KHDRBS2: variants seen among roughly 807,000 people sequenced by gnomAD.
KHDRBS2 encodes the protein KH RNA binding domain containing, signal transduction associated 2.
KHDRBS2 carries 26 observed loss-of-function variants against 44.3 expected under a neutral mutation model. The ratio of observed to expected loss-of-function variants is 0.59; its 90% CI spans 0.43 to 0.81. The LOEUF is 0.81. Among genes scored for constraint, KHDRBS2 ranks in the 40% least tolerant of loss-of-function variants. The pLI is 0.00. For synonymous variants in KHDRBS2, 194 were observed against 151.1 expected (o/e 1.28, Z -2.08); for missense variants, 476 against 433.1 (o/e 1.10, Z -0.88).
downstream of KHDRBS2, among the ~76,000 whole-genome samples, chr6:61,677,971 T>G (rs1766039422): frequency 6.6e-6 from 1 of 151,898 alleles, no homozygotes; most frequent in African/African-American, 2.4e-5. Flanking sequence ...GGCTCTCTCA[T>G]AGCTCTCCTA....
chr6:62,101,869 T>G (rs1288960091), intron 2 of KHDRBS2, among the ~76,000 whole-genome samples: 3 of 152,220 alleles, frequency 2.0e-5, no homozygotes, highest in Non-Finnish European at 2.9e-5. Flanking sequence ...TGTACACATC[T>G]TCAAAAATTC....
At chr6:62,019,160 TTTAG>T (rs1343491863) in intron 3 of KHDRBS2, among the ~76,000 whole-genome samples, 1 of 151,948 alleles carries the variant, frequency 6.6e-6, no homozygotes, top group Non-Finnish European at 1.5e-5. Context: ...GCACTAGAAT[TTTAG>T]TTAGGTTTAT....
chr6:62,066,983 G>A (rs1269096619), intron 2 of KHDRBS2, among the ~76,000 whole-genome samples: 1 of 151,448 alleles, frequency 6.6e-6, no homozygotes, highest in Non-Finnish European at 1.5e-5. Flanking sequence ...TATTAATTCA[G>A]CAGTGGGAGT....
At chr6:61,752,671 C>CAAAAAAAAAAAAAAAAAAAAAAAA (rs56410130) in intron 6 of KHDRBS2, among the ~76,000 whole-genome samples, 2 of 111,336 alleles carry the variant, frequency 1.8e-5, no homozygotes, top group Non-Finnish European at 1.8e-5. Context: ...TTGTGGTATA[C>CAAAAAAAAAAAAAAAAAAAAAAAA]AAAAAAAAAA....
At chr6:62,218,393 G>A (rs191306819) in intron 1 of KHDRBS2, among the ~76,000 whole-genome samples, 2 of 151,814 alleles carry the variant, frequency 1.3e-5, no homozygotes, top group Non-Finnish European at 2.9e-5. Flanking sequence ...ACAATCTGCA[G>A]CACACAATGG....
chr6:61,986,067 T>C (rs1424853311), intron 3 of KHDRBS2, among the ~76,000 whole-genome samples: 1 of 152,214 alleles, frequency 6.6e-6, no homozygotes, highest in Non-Finnish European at 1.5e-5. Context: ...TTTGAATTAA[T>C]AGCTCTGATA....
the KHDRBS2 span, among the ~76,000 whole-genome samples, chr6:61,605,511 T>C: frequency 2.0e-5 from 3 of 152,206 alleles, no homozygotes; most frequent in Non-Finnish European, 2.9e-5. Flanking sequence ...TCTTAGTCCT[T>C]TAATACATAT....
At chr6:62,119,823 G>T (rs1807165873) in intron 2 of KHDRBS2, among the ~76,000 whole-genome samples, 1 of 152,120 alleles carries the variant, frequency 6.6e-6, no homozygotes, top group Admixed American at 6.6e-5. Flanking sequence ...TGAGGCAGTT[G>T]CCAGGCAAGA....
At chr6:62,055,312 G>A (rs961174404) in intron 2 of KHDRBS2, among the ~76,000 whole-genome samples, 1 of 151,830 alleles carries the variant, frequency 6.6e-6, no homozygotes, top group African/African-American at 2.4e-5. Context: ...GAATGGGAAT[G>A]GAAAAATCTT....
intron 6 of KHDRBS2, among the ~76,000 whole-genome samples, chr6:61,803,917 G>C (rs1786702754): frequency 6.6e-6 from 1 of 152,008 alleles, no homozygotes; most frequent in African/African-American, 2.4e-5. Context: ...CCAACATATG[G>C]AGATTACAAT....
At chr6:61,888,379 T>C (rs1801285098) in intron 6 of KHDRBS2, among the ~76,000 whole-genome samples, 1 of 152,168 alleles carries the variant, frequency 6.6e-6, no homozygotes, top group African/African-American at 2.4e-5. Flanking sequence ...TAGTATCTGT[T>C]GGTGACTAGA....
At chr6:61,606,529 T>C in the KHDRBS2 span, among the ~76,000 whole-genome samples, 1 of 152,162 alleles carries the variant, frequency 6.6e-6, no homozygotes, top group Non-Finnish European at 1.5e-5. Flanking sequence ...ATACAAAATA[T>C]GAAAATTCCA....
At chr6:62,237,730 G>A (rs1833921775) in intron 1 of KHDRBS2, among the ~76,000 whole-genome samples, 1 of 152,088 alleles carries the variant, frequency 6.6e-6, no homozygotes, top group African/African-American at 2.4e-5. Context: ...TTCCATCATT[G>A]CACTGTCTCA....
chr6:61,690,197 T>A (rs1767241930), intron 8 of KHDRBS2, among the ~76,000 whole-genome samples: 2 of 151,984 alleles, frequency 1.3e-5, no homozygotes, highest in African/African-American at 2.4e-5. Flanking sequence ...CTGGATATAT[T>A]TTTTTTCTTA....
At chr6:61,763,573 T>C (rs1291973239) in intron 6 of KHDRBS2, among the ~76,000 whole-genome samples, 1 of 152,144 alleles carries the variant, frequency 6.6e-6, no homozygotes, top group Non-Finnish European at 1.5e-5. Flanking sequence ...TTAGGAGCCC[T>C]TTTAGAGTTG....
rs1393807000 is a variant in KHDRBS2 at position 61,746,043 on chromosome 6, T to G, written c.811-13279A>C. Among the ~76,000 whole-genome samples, 32 of 144,962 alleles carry G rather than the reference T, an allele frequency of 2.2e-4. No individual in the cohort carries two copies. The East Asian group carries it at 2.7e-3, about 12-fold the overall frequency. ...TTTTTCCCAAAAAGATTTTATTTTA[T>G]TTTAGTTTAGTTTAGTTTAGTTTAG... On this transcript the variant is annotated intron_variant, in intron 6 of 8. Transcript: ENST00000281156.
At chr6:61,817,733 C>A (rs924798375) in intron 6 of KHDRBS2, among the ~76,000 whole-genome samples, 5 of 151,994 alleles carry the variant, frequency 3.3e-5, no homozygotes, top group Admixed American at 2.6e-4. Context: ...ACCCTACTAA[C>A]CTTTACATAG....
chr6:62,220,324 A>G lies in KHDRBS2; in HGVS notation c.92-43012T>C, dbSNP rs560714359. On this transcript the variant is annotated intron_variant, in intron 1 of 8. Coordinates refer to ENST00000281156, the MANE Select transcript of KHDRBS2 (RefSeq NM_152688.4). ...GATCTCAGATGAGAGTGCATAGATG[A>G]AAGGACAAAGCACAGCAATGAAATA... 4.6e-5 allele frequency among the ~76,000 whole-genome samples: 7 copies of G among 152,080 alleles called. No homozygotes were observed. The East Asian group carries it at 1.3e-3, about 29-fold the overall frequency.
chr6:62,069,834 G>A (rs1378729707), intron 2 of KHDRBS2, among the ~76,000 whole-genome samples: 1 of 151,728 alleles, frequency 6.6e-6, no homozygotes, highest in Non-Finnish European at 1.5e-5. Context: ...ATCATGGTCT[G>A]TGTTTATGTG....
Sources: allele counts gnomAD v4.1 joint callset (sites outside exome capture counted in the v4.1 genomes callset), GRCh38; gene constraint gnomAD v4.1.1; transcripts MANE v1.5; gene names NCBI Gene and HGNC (gene_info 2026-07-23, HGNC 2026-07-21).